Variants in ERLEC1 observed in about 807,000 individuals in gnomAD.
ERLEC1 encodes the protein endoplasmic reticulum lectin 1, also known as ER lectin.
In ERLEC1, 47 loss-of-function variants were observed where a neutral mutation model predicts 68.0. That is an observed-to-expected ratio of 0.69 (90% CI 0.55 to 0.88). ERLEC1 has a LOEUF of 0.88. Ranked by LOEUF, ERLEC1 falls within the 40% of genes least tolerant of loss-of-function variation. The pLI, the probability that ERLEC1 is intolerant of heterozygous loss-of-function variation, is 0.00. For missense variants in ERLEC1, 567 were observed against 583.8 expected (o/e 0.97, Z 0.30); for synonymous variants, 225 against 203.2 (o/e 1.11, Z -0.91).
chr2:53,787,323 G>A lies in ERLEC1; in HGVS notation c.113G>A (p.Ser38Asn). ...GGCGGCCGAGCCCTTCCTCAACTCA[G>A]CGATGACATCCCTTTCCGAGTCAAC... The part of the protein sequence containing the change: ...SGGGRALPQL[S>N]DDIPFRVNWP... Residue 38 changes from serine to asparagine, a missense_variant, in exon 1 of 14, where the codon AGC (serine) becomes AAC (asparagine). Physicochemically the swap from Ser to Asn is conservative, Grantham distance 46 (BLOSUM62 1). Transcript: ENST00000185150. 1 of 1,611,704 alleles carries A rather than the reference G, an allele frequency of 6.2e-7. No homozygotes were observed. Among genetic ancestry groups the A allele is most frequent in the Non-Finnish European group, 8.5e-7 (1 of 1,179,954 alleles).
chr2:53,798,869 C>T (rs552586104), intron 5 of ERLEC1, among the ~76,000 whole-genome samples, 178 bp from the exon 6 acceptor site: 1 of 152,160 alleles, frequency 6.6e-6, no homozygotes, highest in Non-Finnish European at 1.5e-5. Context: ...TTAAATATGA[C>T]TTCCTTTCAT....
At position 53,809,331 on chromosome 2, in the gene ERLEC1, T is replaced by C. The variant is rs1258062916; in HGVS notation, c.1101+58T>C. 3 of 1,210,724 alleles carry C rather than the reference T, an allele frequency of 2.5e-6. No individual in the cohort carries two copies. In the East Asian group the frequency reaches 8.3e-5, roughly 34 times the overall value. 75.0% of individuals were successfully genotyped at this position (1,210,724 alleles called of 1,614,324 possible). A position where few individuals can be genotyped will look rare whatever the true frequency, so the allele number is the denominator to read the frequency against. On this transcript the variant is annotated intron_variant, in intron 10 of 13. Transcript: ENST00000185150. ...CTAGATGGTTTAAAGTTTAAGAATC[T>C]GTTGTAGAAAAAAAGGGGGAATGGT...
intron 8 of ERLEC1, among the ~76,000 whole-genome samples, chr2:53,803,333 C>T (rs1676102649): frequency 6.6e-6 from 1 of 151,776 alleles, no homozygotes; most frequent in Non-Finnish European, 1.5e-5. Context: ...AAGATTTGGG[C>T]TAGAATTCTC....
At chr2:53,805,037 C>T (rs573923496) in intron 8 of ERLEC1, among the ~76,000 whole-genome samples, 12 of 144,840 alleles carry the variant, frequency 8.3e-5, no homozygotes. Flanking sequence ...CTCTGTTGCC[C>T]AGGCTGGAGT....
rs534710216 is a variant in ERLEC1 at position 53,812,951 on chromosome 2, C to T, written c.1104C>T (p.Asp368=). The T allele has an allele frequency of 6.2e-7, 1 of 1,607,542 alleles. No homozygotes were observed. Among genetic ancestry groups the T allele is most frequent in the African/African-American group, 1.3e-5 (1 of 74,476 alleles). Residue 368 remains aspartate, a splice_region_variant and synonymous_variant, in exon 11 of 14, where the codon GAC becomes GAT. Transcript: ENST00000185150. The part of the protein sequence containing the change: ...YGKHVHQYHE[D]KDSGKTSVVV... ...CACAAATTTTTTTCCCATATTAGGA[C>T]AAGGATAGTGGGAAAACCTCTGTGG...
At chr2:53,803,598 A>C (rs1247751410) in intron 8 of ERLEC1, among the ~76,000 whole-genome samples, 2 of 57,558 alleles carry the variant, frequency 3.5e-5, no homozygotes, top group South Asian at 7.9e-4. Flanking sequence ...TGTCTCTACA[A>C]AAAAAAAAAA....
chr2:53,812,883 C>G (rs1486158006), intron 10 of ERLEC1, 66 bp from the exon 11 acceptor site: 13 of 1,548,728 alleles, frequency 8.4e-6, no homozygotes, highest in Non-Finnish European at 1.0e-5. Flanking sequence ...AAGGTCAGGT[C>G]ATCAGCATAA....
intron 1 of ERLEC1, among the ~76,000 whole-genome samples, chr2:53,789,494 C>T (rs759039710): frequency 2.0e-5 from 3 of 151,918 alleles, no homozygotes; most frequent in Non-Finnish European, 2.9e-5. Flanking sequence ...CTCCTGGGCT[C>T]AAGCCATCCT....
At chr2:53,806,832 C>T (rs1306023992) in intron 8 of ERLEC1, among the ~76,000 whole-genome samples, 1 of 152,190 alleles carries the variant, frequency 6.6e-6, no homozygotes, top group Admixed American at 6.5e-5. Context: ...GGTGCACTCA[C>T]TTTTTAAATT....
rs758182823 is a variant in ERLEC1 at position 53,808,466 on chromosome 2, A to C, written c.1041+6A>C. 2 of 1,612,854 alleles carry C rather than the reference A, an allele frequency of 1.2e-6. No individual in the cohort carries two copies. The highest frequency in any genetic ancestry group is 1.7e-6 in the Non-Finnish European group (2 of 1,179,878). ...GTTCTTACTGCTTTCGTGGGGTGAGAAGTAAATCTTCAGTTTAAATATTTA... is the reference window on the plus strand; with the variant it reads ...GTTCTTACTGCTTTCGTGGGGTGAGCAGTAAATCTTCAGTTTAAATATTTA... On this transcript the variant is annotated splice_donor_region_variant and intron_variant, in intron 9 of 13. Coordinates refer to ENST00000185150, the MANE Select transcript of ERLEC1 (RefSeq NM_015701.5).
chr2:53,788,700 A>G (rs1675218156), intron 1 of ERLEC1: 1 of 152,104 alleles, frequency 6.6e-6, no homozygotes, highest in Non-Finnish European at 1.5e-5. Flanking sequence ...TTCTGAATTT[A>G]TCTAGGTAAA....
chr2:53,807,084 C>A (rs937710014), intron 8 of ERLEC1, among the ~76,000 whole-genome samples: 1 of 152,184 alleles, frequency 6.6e-6, no homozygotes, highest in Admixed American at 6.5e-5. Flanking sequence ...AATATCATCA[C>A]AGCACATCTT....
At chr2:53,789,294 C>T (rs572682385) in intron 1 of ERLEC1, among the ~76,000 whole-genome samples, 4 of 149,260 alleles carry the variant, frequency 2.7e-5, no homozygotes, top group African/African-American at 9.9e-5. Flanking sequence ...CTTGGGAGGC[C>T]GAGGCAGGAG....
chr2:53,791,187 A>T (rs2104273714), intron 1 of ERLEC1, among the ~76,000 whole-genome samples: 1 of 152,334 alleles, frequency 6.6e-6, no homozygotes, highest in African/African-American at 2.4e-5. Flanking sequence ...AGTTCCTCTC[A>T]TGCCAAGATA....
chr2:53,796,909 T>TTTTTTG (rs1675741068), intron 3 of ERLEC1, among the ~76,000 whole-genome samples: 1 of 148,354 alleles, frequency 6.7e-6, no homozygotes, highest in Non-Finnish European at 1.5e-5. Context: ...TTTTTTTTTT[T>TTTTTTG]GAGACAGAGT....
chr2:53,801,814 T>C lies in ERLEC1; in HGVS notation c.851T>C (p.Leu284Pro), dbSNP rs201385235. The change falls in exon 8 of 14, where the codon CTA (leucine) becomes CCA (proline). Residue 284 changes from leucine (L) to proline (P), a missense_variant. Coordinates refer to ENST00000185150, the MANE Select transcript of ERLEC1 (RefSeq NM_015701.5). ...CAGCTGGAGCAGCAGGAAGAAATAC[T>C]AAGGGTGCCTTTTAGGAGAAATAAA... is the stretch of plus-strand genomic sequence containing the variant. Reference protein sequence around the residue: ...LRQLEQQEEILRVPFRRNKEE... With the variant: ...LRQLEQQEEIPRVPFRRNKEE... 76 of 1,613,842 alleles carry C rather than the reference T, an allele frequency of 4.7e-5. 1 individual carries two copies. In the Middle Eastern group the frequency reaches 2.1e-3, roughly 46 times the overall value.
At chr2:53,804,920 G>A (rs1419746385) in intron 8 of ERLEC1, among the ~76,000 whole-genome samples, 1 of 150,678 alleles carries the variant, frequency 6.6e-6, no homozygotes, top group Non-Finnish European at 1.5e-5. Flanking sequence ...TTGTTTTTCC[G>A]TGCATGGCTT....
chr2:53,804,898 A>G (rs1242830384), intron 8 of ERLEC1, among the ~76,000 whole-genome samples: 1 of 151,994 alleles, frequency 6.6e-6, no homozygotes, highest in Non-Finnish European at 1.5e-5. Context: ...AATAAGTGAG[A>G]ACATGGGATG....
chr2:53,797,174 C>A (rs761778734), intron 3 of ERLEC1, among the ~76,000 whole-genome samples: 1 of 152,094 alleles, frequency 6.6e-6, no homozygotes, highest in Non-Finnish European at 1.5e-5. Context: ...GGATTACAGG[C>A]GTAAGCCAGT....
Sources: gnomAD v4.1 joint callset for allele counts (sites outside exome capture counted in the v4.1 genomes callset) on GRCh38, gnomAD v4.1.1 for gene constraint, MANE v1.5 for transcripts, NCBI Gene and HGNC (gene_info 2026-07-23, HGNC 2026-07-21) for gene names.